The following UNC80 variants were observed in gnomAD, a reference collection of about 807,000 sequenced individuals.
UNC80 encodes the protein protein unc-80 homolog.
In UNC80, 164 loss-of-function variants were observed where a neutral mutation model predicts 384.6. The ratio of observed to expected loss-of-function variants is 0.43; its 90% CI spans 0.38 to 0.49. The LOEUF (loss-of-function observed/expected upper bound fraction) is 0.49. Among genes scored for constraint, UNC80 ranks in the 20% least tolerant of loss-of-function variants. UNC80 has a pLI of 0.00. For missense variants in UNC80, 3,330 were observed against 4,143.0 expected, an observed-to-expected ratio of 0.80 and a Z score of 5.39; for synonymous variants, 1,486 against 1,527.8, an observed-to-expected ratio of 0.97 and a Z score of 0.64.
intron 25 of UNC80, among the ~76,000 whole-genome samples, chr2:209,882,804 A>G (rs1200104000): frequency 1.3e-5 from 2 of 152,230 alleles, no homozygotes; most frequent in African/African-American, 4.8e-5. Flanking sequence ...TAATAAAAAA[A>G]ATAAGAATCC....
At chr2:209,866,529 C>CAGAGAG (rs765928807) in intron 22 of UNC80, among the ~76,000 whole-genome samples, 80 of 126,578 alleles carry the variant, frequency 6.3e-4, no homozygotes, top group Non-Finnish European at 1.2e-3. Flanking sequence ...CACACACACA[C>CAGAGAG]ACACAGAGAG....
chr2:209,918,458 G>T, intron 32 of UNC80, 74 bp from the exon 33 acceptor site: 1 of 1,452,266 alleles, frequency 6.9e-7, no homozygotes. Flanking sequence ...GAGACAGATT[G>T]TGTCATCATT....
chr2:209,937,242 G>A (rs13409845), intron 41 of UNC80, among the ~76,000 whole-genome samples: 13,349 of 152,204 alleles, frequency 0.088, 1,371 homozygotes, highest in African/African-American at 0.25. Context: ...TACGTTGCCC[G>A]TATAATACCT....
intron 5 of UNC80, 152 bp from the exon 6 acceptor site, chr2:209,789,380 A>G (rs1053807908): frequency 2.7e-5 from 15 of 564,512 alleles, no homozygotes; most frequent in Admixed American, 1.6e-4. Context: ...TGAATTGGTT[A>G]TTTGAATATC....
intron 10 of UNC80, among the ~76,000 whole-genome samples, 188 bp from the exon 11 acceptor site, chr2:209,817,624 G>A (rs749957000): frequency 6.6e-6 from 1 of 152,106 alleles, no homozygotes; most frequent in Non-Finnish European, 1.5e-5. Flanking sequence ...CTTATCACAG[G>A]CAGCTTCATC....
intron 15 of UNC80, 37 bp downstream of exon 15, chr2:209,829,416 T>C (rs1375309254): frequency 6.5e-7 from 1 of 1,549,514 alleles, no homozygotes; most frequent in Non-Finnish European, 8.7e-7. Context: ...GGAGAAGTCG[T>C]TGTGAGGTGA....
chr2:209,991,972 C>G (rs571917847), intron 61 of UNC80, among the ~76,000 whole-genome samples, 194 bp from the exon 62 acceptor site: 1 of 152,268 alleles, frequency 6.6e-6, no homozygotes, highest in South Asian at 2.1e-4. Context: ...ATTTTGGCAG[C>G]TTGGGGCTAC....
At position 209,878,064 on chromosome 2, in the gene UNC80, T is replaced by G; in HGVS notation, c.3951T>G (p.Asp1317Glu). The G allele has an allele frequency of 6.5e-7, 1 of 1,541,532 alleles. No individual in the cohort carries two copies. Among genetic ancestry groups the G allele is most frequent in the Non-Finnish European group, 8.8e-7 (1 of 1,142,214 alleles). ...EETKRRLRKE[D>E]EEEDFLDDST... ...CCAAGAGGAGACTTAGAAAGGAGGA[T>G]GAGGAGGAAGACTTTTTAGATGACA... Residue 1317 changes from aspartate to glutamate, a missense_variant, in exon 24 of 65, where the codon GAT becomes GAG. Asp to Glu is a conservative substitution (Grantham distance 45). This residue lies in a region of UNC80 where 801 missense variants were observed against 950.8 expected (regional missense o/e 0.84). Transcript: ENST00000673920.
chr2:209,853,949 T>C (rs1189937422), intron 22 of UNC80, among the ~76,000 whole-genome samples: 1 of 152,078 alleles, frequency 6.6e-6, no homozygotes, highest in African/African-American at 2.4e-5. Flanking sequence ...GGAGTGCATA[T>C]ATAATTCTTT....
chr2:209,929,691 T>G (rs559695625), intron 36 of UNC80, among the ~76,000 whole-genome samples, 180 bp from the exon 37 acceptor site: 2 of 152,306 alleles, frequency 1.3e-5, no homozygotes, highest in Non-Finnish European at 2.9e-5. Context: ...GTTCTTTACA[T>G]GTGAAAATGT....
intron 22 of UNC80, among the ~76,000 whole-genome samples, chr2:209,867,693 G>A (rs375129607): frequency 6.6e-6 from 1 of 152,014 alleles, no homozygotes; most frequent in East Asian, 1.9e-4. Flanking sequence ...TGGCCCATTG[G>A]AAACCCATCC....
At chr2:209,905,107 TACAAGA>T in intron 29 of UNC80, 142 bp downstream of exon 29, 1 of 826,498 alleles carries the variant, frequency 1.2e-6, no homozygotes, top group Non-Finnish European at 1.9e-6. Context: ...AGAAGAGATG[TACAAGA>T]AAGACAAATG....
At chr2:209,938,037 A>G (rs1338993495) in intron 42 of UNC80, among the ~76,000 whole-genome samples, 3 of 151,390 alleles carry the variant, frequency 2.0e-5, no homozygotes, top group Non-Finnish European at 2.9e-5. Flanking sequence ...AGTATGCTTG[A>G]AAAAAAAAGC....
At chr2:209,926,767 C>A in intron 35 of UNC80, 76 bp from the exon 36 acceptor site, 2 of 1,508,830 alleles carry the variant, frequency 1.3e-6, no homozygotes, top group Non-Finnish European at 1.8e-6. Flanking sequence ...CAGAGTGAGA[C>A]CCTATCTCAA....
At chr2:209,977,948 T>C (rs963866880) in intron 58 of UNC80, among the ~76,000 whole-genome samples, 1 of 152,224 alleles carries the variant, frequency 6.6e-6, no homozygotes, top group Non-Finnish European at 1.5e-5. Flanking sequence ...GCAGACAATG[T>C]GGTAAAAACA....
intron 51 of UNC80, among the ~76,000 whole-genome samples, chr2:209,966,236 A>G (rs1278109166): frequency 6.6e-6 from 1 of 152,194 alleles, no homozygotes; most frequent in Non-Finnish European, 1.5e-5. Flanking sequence ...TTTCAAATGA[A>G]TTTTCACTAT....
intron 52 of UNC80, chr2:209,968,243 C>T (rs1269275040): frequency 1.3e-5 from 2 of 152,214 alleles, no homozygotes; most frequent in Non-Finnish European, 2.9e-5. Flanking sequence ...GTTTTTGAAC[C>T]ACTCTACTTA....
chr2:209,804,305 C>A (rs1460326457), intron 7 of UNC80, among the ~76,000 whole-genome samples: 1 of 152,150 alleles, frequency 6.6e-6, no homozygotes, highest in African/African-American at 2.4e-5. Flanking sequence ...TTGGAAGGTC[C>A]TTGATTAAAA....
At chr2:209,822,103 C>T (rs1559147138) in intron 13 of UNC80, among the ~76,000 whole-genome samples, 1 of 152,120 alleles carries the variant, frequency 6.6e-6, no homozygotes, top group African/African-American at 2.4e-5. Context: ...TTACTCTTTT[C>T]TTCCCAATAT....
Sources: gnomAD v4.1 joint callset for allele counts (sites outside exome capture counted in the v4.1 genomes callset) on GRCh38, gnomAD v4.1.1 for gene constraint, gnomAD v4.1.1 regional missense constraint, MANE v1.5 for transcripts, NCBI Gene and HGNC (gene_info 2026-07-23, HGNC 2026-07-21) for gene names.